Variants in MAEA observed in about 807,000 individuals in gnomAD.
MAEA encodes E3 ubiquitin-protein transferase MAEA.
MAEA carries 22 observed loss-of-function variants against 46.2 expected under a neutral mutation model. That is an observed-to-expected ratio of 0.48 (90% CI 0.34 to 0.68). The LOEUF is 0.68. Among genes scored for constraint, MAEA ranks in the 30% least tolerant of loss-of-function variants. MAEA has a pLI of 0.01. For synonymous variants in MAEA, 246 were observed against 222.6 expected, an observed-to-expected ratio of 1.11 and a Z score of -0.94; for missense variants, 393 against 558.1, an observed-to-expected ratio of 0.70 and a Z score of 2.98.
intron 6 of MAEA, chr4:1,335,022 C>T: frequency 1.0e-6 from 1 of 985,434 alleles, no homozygotes; most frequent in South Asian, 4.7e-5. Flanking sequence ...CCCCTCCCTC[C>T]AGGTGTGGCC....
chr4:1,305,202 C>T (rs953654823), intron 1 of MAEA, among the ~76,000 whole-genome samples: 23 of 152,256 alleles, frequency 1.5e-4, no homozygotes, highest in Non-Finnish European at 2.9e-4. Flanking sequence ...AGTTCACAGC[C>T]ATGCTCCACT....
chr4:1,328,392 G>A (rs540870797), intron 5 of MAEA, among the ~76,000 whole-genome samples: 1 of 152,294 alleles, frequency 6.6e-6, no homozygotes, highest in African/African-American at 2.4e-5. Flanking sequence ...GGGCAGTGTC[G>A]GCCAGTTCAT....
At chr4:1,295,914 T>C in intron 1 of MAEA, among the ~76,000 whole-genome samples, 1 of 112,066 alleles carries the variant, frequency 8.9e-6, no homozygotes, top group African/African-American at 3.7e-5. Context: ...TGTGCTGCCT[T>C]CACCTGCACC....
chr4:1,323,062 T>G (rs1193411372), intron 4 of MAEA, among the ~76,000 whole-genome samples: 1 of 149,686 alleles, frequency 6.7e-6, no homozygotes, highest in Non-Finnish European at 1.5e-5. Flanking sequence ...TTCTCTTGCC[T>G]TGGCCTCCTG....
chr4:1,331,069 G>T (rs1043700143), intron 5 of MAEA: 5 of 152,032 alleles, frequency 3.3e-5, no homozygotes, highest in Non-Finnish European at 7.3e-5. Context: ...GCCGTGTTCT[G>T]TGCACGTCTT....
intron 1 of MAEA, among the ~76,000 whole-genome samples, chr4:1,304,856 ACT>A (rs1476705038): frequency 4.6e-5 from 7 of 152,234 alleles, no homozygotes; most frequent in African/African-American, 1.2e-4. Flanking sequence ...AAAATTTGAA[ACT>A]CTACAAATGT....
intron 2 of MAEA, 141 bp from the exon 3 acceptor site, chr4:1,315,256 G>A (rs1017882452): frequency 1.2e-5 from 9 of 749,754 alleles, no homozygotes; most frequent in Middle Eastern, 3.2e-4. Flanking sequence ...TAGCGGACTC[G>A]GTAGAGCACG....
intron 1 of MAEA, among the ~76,000 whole-genome samples, chr4:1,299,022 C>T (rs941006589): frequency 6.6e-6 from 1 of 152,058 alleles, no homozygotes; most frequent in South Asian, 2.1e-4. Flanking sequence ...ACTGGGACCA[C>T]GGGCGCCTGC....
At chr4:1,309,912 G>T (rs1342264435) in intron 1 of MAEA, 65 of 1,285,554 alleles carry the variant, frequency 5.1e-5, no homozygotes, top group Non-Finnish European at 6.0e-5. Flanking sequence ...GTCCAGAAAG[G>T]CCCCGTTCCC....
intron 5 of MAEA, chr4:1,330,524 C>G (rs750729007): frequency 2.6e-5 from 4 of 151,948 alleles, no homozygotes; most frequent in Non-Finnish European, 5.9e-5. Flanking sequence ...ACCATGTTGG[C>G]CAGGCTGGTC....
chr4:1,328,179 G>A lies in MAEA; in HGVS notation c.656+476G>A, dbSNP rs192119833. ...TGATGAGGGCACTTCTGGGTTCTCC[G>A]GCCTGTCTCCGACCCAAGGGCGGCG... On this transcript the variant is annotated intron_variant, in intron 5 of 8. Coordinates refer to ENST00000303400, the MANE Select transcript of MAEA (RefSeq NM_001017405.3). Among the ~76,000 whole-genome samples the A allele has an allele frequency of 1.3e-3, 200 of 152,328 alleles. 2 individuals carry two copies. Among genetic ancestry groups the A allele is most frequent in the African/African-American group, 4.4e-3 (184 of 41,576 alleles).
At chr4:1,325,211 G>A (rs572852446) in intron 4 of MAEA, among the ~76,000 whole-genome samples, 4 of 152,296 alleles carry the variant, frequency 2.6e-5, no homozygotes, top group Admixed American at 2.0e-4. Flanking sequence ...AGAAACTTGA[G>A]ACCCAAGTTT....
At chr4:1,291,263 G>T (rs1384019255) in intron 1 of MAEA, among the ~76,000 whole-genome samples, 1 of 152,142 alleles carries the variant, frequency 6.6e-6, no homozygotes, top group Non-Finnish European at 1.5e-5. Context: ...CTCCCAAAGC[G>T]CTGGGCTGAC....
chr4:1,333,968 A>G (rs1165536776), intron 6 of MAEA, among the ~76,000 whole-genome samples: 1 of 39,996 alleles, frequency 2.5e-5, no homozygotes, highest in Non-Finnish European at 4.4e-5. Context: ...ACCCACCCCC[A>G]TGCCCGTGTG....
At chr4:1,309,699 A>T in intron 1 of MAEA, 1 of 1,529,102 alleles carries the variant, frequency 6.5e-7, no homozygotes, top group Non-Finnish European at 8.7e-7. Context: ...AGTTGTGAAG[A>T]CACCGTGGCC....
At chr4:1,327,362 G>A (rs1261592024) in intron 4 of MAEA, among the ~76,000 whole-genome samples, 1 of 152,242 alleles carries the variant, frequency 6.6e-6, no homozygotes, top group African/African-American at 2.4e-5. Flanking sequence ...CCTGGCCTTC[G>A]GGTTGAAATG....
chr4:1,324,150 A>G (rs1738503347), intron 4 of MAEA, among the ~76,000 whole-genome samples: 1 of 146,866 alleles, frequency 6.8e-6, no homozygotes, highest in South Asian at 2.1e-4. Context: ...CTGGTGGATG[A>G]GTATGTCTGG....
At chr4:1,328,087 C>T (rs1398964635) in intron 5 of MAEA, among the ~76,000 whole-genome samples, 1 of 152,262 alleles carries the variant, frequency 6.6e-6, no homozygotes, top group African/African-American at 2.4e-5. Context: ...GTGTGGTCCT[C>T]AGGTAGCTCC....
At chr4:1,321,106 A>AG (rs1362824961) in intron 3 of MAEA, among the ~76,000 whole-genome samples, 1 of 152,110 alleles carries the variant, frequency 6.6e-6, no homozygotes, top group Admixed American at 6.5e-5. Context: ...TCTCAAAAAA[A>AG]CAAACAAAAG....
Sources: allele counts gnomAD v4.1 joint callset (sites outside exome capture counted in the v4.1 genomes callset), GRCh38; gene constraint gnomAD v4.1.1; transcripts MANE v1.5; gene names NCBI Gene and HGNC (gene_info 2026-07-23, HGNC 2026-07-21).